The following DYNC1I1 variants were observed in gnomAD, a reference collection of about 807,000 sequenced individuals.
The protein encoded by DYNC1I1 is dynein cytoplasmic 1 intermediate chain 1, also known as cytoplasmic dynein 1 intermediate chain 1.
Under a neutral mutation model 86.6 loss-of-function variants are expected in DYNC1I1, and 43 were observed. That is an observed-to-expected ratio of 0.50 (90% CI 0.39 to 0.64). The LOEUF is 0.64. Ranked by LOEUF, DYNC1I1 falls within the 30% of genes least tolerant of loss-of-function variation. DYNC1I1 has a pLI of 0.00. For missense variants in DYNC1I1, 604 were observed against 788.8 expected, an observed-to-expected ratio of 0.77 and a Z score of 2.81; for synonymous variants, 262 against 283.7, an observed-to-expected ratio of 0.92 and a Z score of 0.77.
intron 1 of DYNC1I1, among the ~76,000 whole-genome samples, chr7:95,784,598 T>G (rs1794080482): frequency 6.6e-6 from 1 of 152,196 alleles, no homozygotes; most frequent in Non-Finnish European, 1.5e-5. Flanking sequence ...ACTCTGTCTT[T>G]GGCAAATAGT....
intron 14 of DYNC1I1, among the ~76,000 whole-genome samples, chr7:96,063,189 T>G (rs1789842716): frequency 6.6e-6 from 1 of 151,966 alleles, no homozygotes; most frequent in African/African-American, 2.4e-5. Flanking sequence ...AGGCGCAATA[T>G]AGCTGATGGT....
chr7:96,054,384 C>A (rs922741731), intron 14 of DYNC1I1, among the ~76,000 whole-genome samples: 2 of 152,142 alleles, frequency 1.3e-5, no homozygotes, highest in Non-Finnish European at 2.9e-5. Flanking sequence ...TACAGTCTAT[C>A]GTTGATGGGC....
chr7:96,060,471 C>A (rs1474447092), intron 14 of DYNC1I1, among the ~76,000 whole-genome samples: 1 of 152,164 alleles, frequency 6.6e-6, no homozygotes, highest in Non-Finnish European at 1.5e-5. Flanking sequence ...AAACCCACAG[C>A]CCTGCAAATT....
intron 10 of DYNC1I1, among the ~76,000 whole-genome samples, chr7:96,003,915 T>A (rs1794078303): frequency 6.6e-6 from 1 of 152,214 alleles, no homozygotes; most frequent in South Asian, 2.1e-4. Context: ...GTGTGTGTCT[T>A]TAAGTTGCCT....
intron 6 of DYNC1I1, among the ~76,000 whole-genome samples, chr7:95,875,937 C>T (rs1472945074): frequency 6.6e-6 from 1 of 151,274 alleles, no homozygotes; most frequent in Non-Finnish European, 1.5e-5. Flanking sequence ...CAGCCCATGC[C>T]ATGCCTTTAT....
At chr7:95,827,713 G>C (rs74376828) in intron 4 of DYNC1I1, among the ~76,000 whole-genome samples, 16,100 of 152,092 alleles carry the variant, frequency 0.11, 956 homozygotes, top group African/African-American at 0.15. Flanking sequence ...GGGCTCTGGG[G>C]TGTCAGAGAT....
At chr7:95,863,712 C>T (rs950138257) in intron 5 of DYNC1I1, among the ~76,000 whole-genome samples, 1 of 152,064 alleles carries the variant, frequency 6.6e-6, no homozygotes, top group Non-Finnish European at 1.5e-5. Flanking sequence ...GCCTTCATCA[C>T]ATGTAGGCAC....
At chr7:95,889,457 A>T (rs1444344823) in intron 6 of DYNC1I1, among the ~76,000 whole-genome samples, 1 of 152,208 alleles carries the variant, frequency 6.6e-6, no homozygotes, top group Non-Finnish European at 1.5e-5. Context: ...CTCAACATGG[A>T]TTAAAGACTT....
Position 95,810,480 on chromosome 7 carries a change from T to G in DYNC1I1, c.197T>G (p.Ile66Ser). 6.2e-7 allele frequency: 1 copy of G among 1,612,844 alleles called. No individual in the cohort carries two copies. Among genetic ancestry groups the G allele is most frequent in the Non-Finnish European group, 8.5e-7 (1 of 1,179,300 alleles). The stretch of plus-strand genomic sequence containing the variant: ...GAGACAGAGGCTTTGCTGCAAAGCA[T>G]TGGTATCTCACCGGAGCCGCCTCTA... ...RRETEALLQSIGISPEPPLVP... is the reference protein window; with the variant it reads ...RRETEALLQSSGISPEPPLVP... Residue 66 changes from isoleucine (I) to serine (S), a missense_variant, in exon 3 of 17, where the codon ATT (isoleucine) becomes AGT (serine). Physicochemically the swap from Ile to Ser is moderately radical, Grantham distance 142. Transcript: ENST00000447467.
chr7:96,021,194 T>A (rs1794540714), intron 10 of DYNC1I1, among the ~76,000 whole-genome samples: 1 of 152,160 alleles, frequency 6.6e-6, no homozygotes, highest in African/African-American at 2.4e-5. Flanking sequence ...TCACCACAAT[T>A]TTAAAAATAA....
chr7:95,858,278 G>C (rs924248711), intron 5 of DYNC1I1, among the ~76,000 whole-genome samples: 10 of 152,114 alleles, frequency 6.6e-5, no homozygotes, highest in Non-Finnish European at 1.3e-4. Flanking sequence ...ATTAGCAGTG[G>C]ATTTTGTATG....
intron 5 of DYNC1I1, among the ~76,000 whole-genome samples, chr7:95,862,018 C>T (rs1279637955): frequency 2.0e-5 from 3 of 151,972 alleles, no homozygotes; most frequent in African/African-American, 7.3e-5. Flanking sequence ...GAAGTTGGAC[C>T]CCTACCTCAC....
At chr7:96,012,613 A>G (rs1392676639) in intron 10 of DYNC1I1, among the ~76,000 whole-genome samples, 1 of 152,204 alleles carries the variant, frequency 6.6e-6, no homozygotes, top group Non-Finnish European at 1.5e-5. Flanking sequence ...TCGAGTGAGT[A>G]TGAAGGTTGT....
intron 10 of DYNC1I1, among the ~76,000 whole-genome samples, chr7:96,006,009 C>T (rs947140849): frequency 6.6e-6 from 1 of 152,060 alleles, no homozygotes; most frequent in Admixed American, 6.5e-5. Flanking sequence ...GACACATGTG[C>T]GTGAAGAAAA....
rs186517375 is a variant in DYNC1I1 at position 95,983,546 on chromosome 7, C to T, written c.581-1269C>T. On this transcript the variant is annotated intron_variant, in intron 7 of 16. Transcript: ENST00000447467. ...GGAGGCTAGAAAGAGGGAGATGTTA[C>T]GAACATTGGATCCACTGCCATGACT... Among the ~76,000 whole-genome samples, 20 of 152,212 alleles carry T rather than the reference C, an allele frequency of 1.3e-4. No homozygotes were observed. In the East Asian group the frequency reaches 3.1e-3, roughly 24 times the overall value.
intron 14 of DYNC1I1, among the ~76,000 whole-genome samples, chr7:96,047,590 A>T (rs1304741148): frequency 6.6e-6 from 1 of 152,184 alleles, no homozygotes; most frequent in Non-Finnish European, 1.5e-5. Flanking sequence ...CTGGAGACAG[A>T]TTGTGAGTGG....
intron 5 of DYNC1I1, among the ~76,000 whole-genome samples, chr7:95,832,716 C>A (rs1353404508): frequency 7.2e-5 from 11 of 151,846 alleles, no homozygotes; most frequent in Non-Finnish European, 1.6e-4. Flanking sequence ...TCTCTGATGG[C>A]CAGTGATGAT....
intron 5 of DYNC1I1, among the ~76,000 whole-genome samples, chr7:95,828,383 C>T (rs930964567): frequency 1.1e-4 from 17 of 151,946 alleles, no homozygotes; most frequent in Non-Finnish European, 1.8e-4. Flanking sequence ...AAACATAAAC[C>T]CACACATCTA....
intron 1 of DYNC1I1, among the ~76,000 whole-genome samples, chr7:95,790,561 A>G (rs1223844128): frequency 6.6e-6 from 1 of 152,208 alleles, no homozygotes; most frequent in African/African-American, 2.4e-5. Context: ...ACATGGACTT[A>G]TGGAATCTTT....
Sources: gnomAD v4.1 joint callset for allele counts (sites outside exome capture counted in the v4.1 genomes callset) on GRCh38, gnomAD v4.1.1 for gene constraint, MANE v1.5 for transcripts, NCBI Gene and HGNC (gene_info 2026-07-23, HGNC 2026-07-21) for gene names.